ZNF423: variants seen among roughly 807,000 people sequenced by gnomAD.
The protein encoded by ZNF423 is Ebf-associated zinc finger protein.
In ZNF423, 12 loss-of-function variants were observed where a neutral mutation model predicts 95.8. The ratio of observed to expected loss-of-function variants is 0.13; its 90% confidence interval spans 0.08 to 0.20. The LOEUF is 0.20. Among genes scored for constraint, ZNF423 ranks in the 10% least tolerant of loss-of-function variants. The probability of loss-of-function intolerance (pLI) is 1.00; values close to 1 mark genes in which losing one functional copy is unlikely to be tolerated. For synonymous variants in ZNF423, 749 were observed against 711.9 expected (o/e 1.05, Z -0.83); for missense variants, 1,316 against 1,737.1 (o/e 0.76, Z 4.31).
At chr16:49,580,722 T>C (rs1970642703) in intron 5 of ZNF423, among the ~76,000 whole-genome samples, 1 of 152,194 alleles carries the variant, frequency 6.6e-6, no homozygotes, top group African/African-American at 2.4e-5. Flanking sequence ...TGTTATACAA[T>C]GCCCCGAGAA....
intron 2 of ZNF423, among the ~76,000 whole-genome samples, chr16:49,775,288 T>A (rs1423255551): frequency 1.3e-5 from 2 of 152,198 alleles, no homozygotes; most frequent in Non-Finnish European, 2.9e-5. Context: ...AAAACACTGG[T>A]CTGTCCCAAG....
intron 1 of ZNF423, among the ~76,000 whole-genome samples, chr16:49,824,769 T>C (rs2034987886): frequency 6.6e-6 from 1 of 152,152 alleles, no homozygotes; most frequent in African/African-American, 2.4e-5. Context: ...TTTCCCTTCC[T>C]GGACCCCGCC....
intron 3 of ZNF423, among the ~76,000 whole-genome samples, chr16:49,711,077 T>C (rs1020683482): frequency 1.3e-5 from 2 of 151,846 alleles, no homozygotes; most frequent in African/African-American, 4.8e-5. Flanking sequence ...TGGGATGGGA[T>C]GGGACAGGAT....
intron 1 of ZNF423, among the ~76,000 whole-genome samples, chr16:49,816,545 TG>T (rs2143997210): frequency 6.6e-6 from 1 of 152,300 alleles, no homozygotes; most frequent in East Asian, 1.9e-4. Flanking sequence ...CCCAACATTT[TG>T]GAAGACTGAG....
At chr16:49,590,051 T>TATATATATATATATATATATATA (rs879296139) in intron 5 of ZNF423, among the ~76,000 whole-genome samples, 58 of 134,000 alleles carry the variant, frequency 4.3e-4, no homozygotes, top group South Asian at 8.6e-4. Context: ...TATATATATA[T>TATATATATATATATATATATATA]TTGGTCCATA....
chr16:49,655,815 G>A lies in ZNF423; in HGVS notation c.302-16941C>T, dbSNP rs980569054. ...AAGCCCAGAACAGCATCCATCTCAC[G>A]GTCACTTCGCCCCTGAACCCACACC... On this transcript the variant is annotated intron_variant, in intron 3 of 7. Coordinates refer to ENST00000563137, the MANE Select transcript of ZNF423 (RefSeq NM_001379286.1). Among the ~76,000 whole-genome samples, 3 of 152,224 alleles carry A rather than the reference G, an allele frequency of 2.0e-5. No individual in the cohort carries two copies. In the East Asian group the frequency reaches 5.8e-4, roughly 29 times the overall value.
At chr16:49,746,483 T>A (rs983694098) in intron 2 of ZNF423, among the ~76,000 whole-genome samples, 4 of 152,130 alleles carry the variant, frequency 2.6e-5, no homozygotes, top group Non-Finnish European at 5.9e-5. Flanking sequence ...GACAGGGTAC[T>A]TTCTCTTTTT....
In ZNF423 at chr16:49,839,288, C is replaced by T. The variant is rs142569318; in HGVS notation, c.40+16447G>A. ...CCCACACCCAGACACTTCCTCCCAC[C>T]CCACAAGCCTCAGGCCACAGCCCTG... On this transcript the variant is annotated intron_variant, in intron 1 of 7. Coordinates refer to ENST00000563137, the MANE Select transcript of ZNF423 (RefSeq NM_001379286.1). Among the ~76,000 whole-genome samples, 1,501 of 152,182 alleles carry T rather than the reference C, an allele frequency of 9.9e-3. 16 individuals carry two copies. Among genetic ancestry groups the T allele is most frequent in the Non-Finnish European group, 0.013 (876 of 67,966 alleles).
At chr16:49,708,337 C>T (rs1215343085) in intron 3 of ZNF423, 1 of 152,046 alleles carries the variant, frequency 6.6e-6, no homozygotes, top group Non-Finnish European at 1.5e-5. Context: ...ACTCTGCCCC[C>T]CTGGCTAGAG....
intron 3 of ZNF423, among the ~76,000 whole-genome samples, chr16:49,706,754 A>C (rs2032364967): frequency 6.6e-6 from 1 of 152,224 alleles, no homozygotes; most frequent in African/African-American, 2.4e-5. Flanking sequence ...TTCTGCCTCC[A>C]TCTGGCTTCA....
intron 1 of ZNF423, among the ~76,000 whole-genome samples, chr16:49,839,663 C>A (rs752697218): frequency 2.0e-4 from 30 of 152,196 alleles, no homozygotes; most frequent in Non-Finnish European, 3.8e-4. Context: ...GACTCGCGGC[C>A]CCAGGAAAGC....
chr16:49,843,026 G>A (rs80335284), intron 1 of ZNF423, among the ~76,000 whole-genome samples: 2,544 of 151,570 alleles, frequency 0.017, 27 homozygotes, highest in Non-Finnish European at 0.024. Flanking sequence ...CATCACATAC[G>A]GGCAAGGATT....
In ZNF423 at chr16:49,510,561, T is replaced by C. The variant is rs188917526; in HGVS notation, c.3849+13063A>G. Among the ~76,000 whole-genome samples, 7 of 152,308 alleles carry C rather than the reference T, an allele frequency of 4.6e-5. No individual in the cohort carries two copies. The East Asian group carries it at 1.4e-3, about 29-fold the overall frequency. ...TAAATGGGTAAACTGAGACTCCCCA[T>C]GTGGGCAGAGCTGCCAGGAAAGCAG... On this transcript the variant is annotated intron_variant, in intron 7 of 7. Coordinates refer to ENST00000563137, the MANE Select transcript of ZNF423 (RefSeq NM_001379286.1).
intron 1 of ZNF423, among the ~76,000 whole-genome samples, chr16:49,835,033 G>GGA (rs1289779062): frequency 6.6e-6 from 1 of 152,046 alleles, no homozygotes; most frequent in Non-Finnish European, 1.5e-5. Flanking sequence ...GGCCTTGGGG[G>GGA]GAGTCTCAGA....
intron 2 of ZNF423, among the ~76,000 whole-genome samples, chr16:49,744,578 G>A (rs1225556381): frequency 1.3e-5 from 2 of 152,252 alleles, no homozygotes; most frequent in Admixed American, 6.5e-5. Context: ...CCAGCTCGGG[G>A]TCAGGGTTTT....
At chr16:49,523,185 T>C (rs1414728936) in intron 7 of ZNF423, among the ~76,000 whole-genome samples, 1 of 152,158 alleles carries the variant, frequency 6.6e-6, no homozygotes, top group African/African-American at 2.4e-5. Context: ...ACTACTCTTC[T>C]TTTCTGGCTT....
chr16:49,552,561 AG>A (rs937201211), intron 5 of ZNF423, among the ~76,000 whole-genome samples: 1 of 152,184 alleles, frequency 6.6e-6, no homozygotes, highest in Non-Finnish European at 1.5e-5. Context: ...ATTACTGCAG[AG>A]GGAAATCTCG....
At position 49,815,874 on chromosome 16, in the gene ZNF423, AAAAAAAAAT is replaced by A. The variant is rs1567356020; in HGVS notation, c.41-26337_41-26329del. Among the ~76,000 whole-genome samples, 3 of 60,366 alleles carry A rather than the reference AAAAAAAAAT, an allele frequency of 5.0e-5. No homozygotes were observed. In the East Asian group the frequency reaches 1.4e-3, roughly 29 times the overall value. The allele number at this position is 60,366 out of a possible 152,430, so 39.6% of individuals were successfully genotyped here. A position where few individuals can be genotyped will look rare whatever the true frequency, so the allele number is the denominator to read the frequency against. On this transcript the variant is annotated intron_variant, in intron 1 of 7. Transcript: ENST00000563137. ...TACATTCTAATTCCAAACAAACAAAAAAAAAAAATATATATATATATATATATATATATA... is the reference window on the plus strand; with the variant it reads ...TACATTCTAATTCCAAACAAACAAAAATATATATATATATATATATATATA...
At chr16:49,649,968 TC>T (rs1973337663) in intron 3 of ZNF423, among the ~76,000 whole-genome samples, 2 of 152,352 alleles carry the variant, frequency 1.3e-5, no homozygotes, top group Non-Finnish European at 1.5e-5. Flanking sequence ...GCTGAGAGTT[TC>T]TTACGAATGG....
Sources: allele counts gnomAD v4.1 joint callset (sites outside exome capture counted in the v4.1 genomes callset), GRCh38; gene constraint gnomAD v4.1.1; transcripts MANE v1.5; gene names NCBI Gene and HGNC (gene_info 2026-07-23, HGNC 2026-07-21).